CADM2: variants seen among roughly 807,000 people sequenced by gnomAD.
The protein encoded by CADM2 is immunoglobulin superfamily member 4D.
CADM2 carries 12 observed loss-of-function variants against 49.8 expected under a neutral mutation model. The observed-to-expected ratio is 0.24, with a 90% CI of 0.15 to 0.39. The LOEUF is 0.39. CADM2 is among the 10% of genes least tolerant of loss of function. CADM2 has a pLI of 1.00. For synonymous variants in CADM2, 214 were observed against 175.4 expected (o/e 1.22, Z -1.74); for missense variants, 378 against 492.3 (o/e 0.77, Z 2.20).
At chr3:85,039,154 A>T (rs2035338695) in intron 1 of CADM2, among the ~76,000 whole-genome samples, 1 of 152,062 alleles carries the variant, frequency 6.6e-6, no homozygotes, top group African/African-American at 2.4e-5. Flanking sequence ...GGTACCCGCA[A>T]CCACACCCAG....
At chr3:85,906,710 A>T (rs1716853471) in intron 5 of CADM2, among the ~76,000 whole-genome samples, 1 of 152,244 alleles carries the variant, frequency 6.6e-6, no homozygotes, top group Non-Finnish European at 1.5e-5. Flanking sequence ...TTTTCAGTGC[A>T]CAAATGAATG....
chr3:85,208,796 C>T (rs2041710569), intron 1 of CADM2, among the ~76,000 whole-genome samples: 1 of 152,058 alleles, frequency 6.6e-6, no homozygotes, highest in Non-Finnish European at 1.5e-5. Context: ...GCATATTTCA[C>T]CAGGTGCTGG....
At chr3:85,589,257 G>A (rs1332531858) in intron 1 of CADM2, among the ~76,000 whole-genome samples, 1 of 151,950 alleles carries the variant, frequency 6.6e-6, no homozygotes, top group African/African-American at 2.4e-5. Context: ...TTGTTTGAGA[G>A]CTCCCATGTG....
chr3:85,411,283 G>C (rs1013911343), intron 1 of CADM2, among the ~76,000 whole-genome samples: 1 of 152,126 alleles, frequency 6.6e-6, no homozygotes, highest in Non-Finnish European at 1.5e-5. Context: ...AGATGGATTT[G>C]TACTGAGCTG....
At chr3:85,133,553 G>A (rs1286344138) in intron 1 of CADM2, among the ~76,000 whole-genome samples, 3 of 150,650 alleles carry the variant, frequency 2.0e-5, no homozygotes, top group Admixed American at 6.6e-5. Flanking sequence ...TAGCTACAGA[G>A]TGCCCACTGG....
intron 1 of CADM2, among the ~76,000 whole-genome samples, chr3:85,654,386 A>G (rs547502580): frequency 2.0e-5 from 3 of 152,292 alleles, no homozygotes; most frequent in African/African-American, 7.2e-5. Flanking sequence ...GCTTAGGAAA[A>G]AGTATGCAGG....
intron 1 of CADM2, among the ~76,000 whole-genome samples, chr3:85,222,609 C>T (rs2042068114): frequency 6.6e-6 from 1 of 152,094 alleles, no homozygotes; most frequent in Non-Finnish European, 1.5e-5. Context: ...CAGGTATCTA[C>T]TTTTTGGAGG....
At chr3:85,183,991 A>G (rs545203295) in intron 1 of CADM2, among the ~76,000 whole-genome samples, 28 of 152,140 alleles carry the variant, frequency 1.8e-4, no homozygotes, top group Middle Eastern at 3.2e-3. Context: ...GACATGAACA[A>G]GAATAAAAAT....
intron 8 of CADM2, among the ~76,000 whole-genome samples, chr3:85,996,175 C>T (rs1193636930): frequency 6.7e-6 from 1 of 150,154 alleles, no homozygotes; most frequent in African/African-American, 2.4e-5. Flanking sequence ...GCAGAGGGAT[C>T]AAAATTTGAA....
At chr3:86,066,368 A>G (rs1578106859) in intron 9 of CADM2, among the ~76,000 whole-genome samples, 1 of 145,126 alleles carries the variant, frequency 6.9e-6, no homozygotes, top group African/African-American at 2.5e-5. Context: ...AGATCTTAAC[A>G]AAAGACCCTG....
intron 1 of CADM2, among the ~76,000 whole-genome samples, chr3:85,532,418 G>A (rs1389389807): frequency 6.6e-6 from 1 of 151,978 alleles, no homozygotes; most frequent in Non-Finnish European, 1.5e-5. Flanking sequence ...AATTTTAATT[G>A]TATTTCACAC....
intron 7 of CADM2, among the ~76,000 whole-genome samples, chr3:85,937,120 CTT>C (rs1721265376): frequency 6.6e-6 from 1 of 151,722 alleles, no homozygotes; most frequent in Admixed American, 6.6e-5. Flanking sequence ...CATTATTTTA[CTT>C]ATGGAAATTA....
At chr3:85,982,443 A>T (rs1035572156) in intron 8 of CADM2, among the ~76,000 whole-genome samples, 2 of 151,628 alleles carry the variant, frequency 1.3e-5, no homozygotes, top group Non-Finnish European at 3.0e-5. Context: ...ATATTTTTTT[A>T]AAAAGTTTTT....
intron 1 of CADM2, among the ~76,000 whole-genome samples, chr3:85,375,843 A>T (rs72905447): frequency 0.039 from 5,909 of 152,172 alleles, 390 homozygotes; most frequent in African/African-American, 0.13. Context: ...CAGACAATTG[A>T]GGGTCATTTG....
chr3:85,204,618 A>G lies in CADM2; in HGVS notation c.61+244950A>G, dbSNP rs959062390. Among the ~76,000 whole-genome samples the G allele has an allele frequency of 2.0e-5, 3 of 152,274 alleles. No homozygotes were observed. The East Asian group carries it at 5.8e-4, about 29-fold the overall frequency. On this transcript the variant is annotated intron_variant, in intron 1 of 9. Coordinates refer to ENST00000383699, the MANE Select transcript of CADM2 (RefSeq NM_001167675.2). Reference sequence around the variant, plus strand: ...CTTGCCCCCTCAGACTAAAACATTAAAAAAATTTCCATCTATCACAGTGCT... The same window carrying G: ...CTTGCCCCCTCAGACTAAAACATTAGAAAAATTTCCATCTATCACAGTGCT...
At chr3:86,023,033 A>G (rs937560780) in intron 8 of CADM2, among the ~76,000 whole-genome samples, 3 of 152,168 alleles carry the variant, frequency 2.0e-5, no homozygotes, top group African/African-American at 7.2e-5. Flanking sequence ...TCTCTGGTTG[A>G]GATCTTCAGG....
chr3:85,946,324 G>T (rs1479684979), intron 7 of CADM2, among the ~76,000 whole-genome samples: 1 of 150,508 alleles, frequency 6.6e-6, no homozygotes, highest in Admixed American at 6.6e-5. Flanking sequence ...TAAACAGGAA[G>T]AATCAATATG....
intron 1 of CADM2, among the ~76,000 whole-genome samples, chr3:85,302,145 A>G (rs762661960): frequency 6.6e-6 from 1 of 152,066 alleles, no homozygotes; most frequent in African/African-American, 2.4e-5. Context: ...TTTTGCCTCT[A>G]TGTTCCAATC....
rs1553734245 is a variant in CADM2, at chr3:85,515,434, T to TTA, written c.62-211087_62-211086insAT. Among the ~76,000 whole-genome samples, 139 of 148,550 alleles carry TTA rather than the reference T, an allele frequency of 9.4e-4. No individual in the cohort carries two copies. In the East Asian group the frequency reaches 9.6e-3, roughly 10 times the overall value. The stretch of plus-strand genomic sequence containing the variant: ...GTTTGTTTGTTTGTTTCTTTTTTTT[T>TTA]TTATTATTATATGGAGTCTGGCTCT... On this transcript the variant is annotated intron_variant, in intron 1 of 9. Coordinates refer to ENST00000383699, the MANE Select transcript of CADM2 (RefSeq NM_001167675.2).
Sources: gnomAD v4.1 joint callset for allele counts (sites outside exome capture counted in the v4.1 genomes callset) on GRCh38, gnomAD v4.1.1 for gene constraint, MANE v1.5 for transcripts, NCBI Gene and HGNC (gene_info 2026-07-23, HGNC 2026-07-21) for gene names.